The following PLEKHG1 variants were observed in gnomAD, a reference collection of about 807,000 sequenced individuals.
PLEKHG1 encodes the protein pleckstrin homology domain-containing family G member 1.
PLEKHG1 carries 44 observed loss-of-function variants against 100.8 expected under a neutral mutation model. That is an observed-to-expected ratio of 0.44 (90% CI 0.34 to 0.56). PLEKHG1 has a LOEUF of 0.56. Ranked by LOEUF, PLEKHG1 falls within the 20% of genes least tolerant of loss-of-function variation. The pLI, the probability that PLEKHG1 is intolerant of heterozygous loss-of-function variation, is 0.01. For synonymous variants in PLEKHG1, 640 were observed against 662.5 expected (o/e 0.97, Z 0.52); for missense variants, 1,545 against 1,720.9 (o/e 0.90, Z 1.81).
rs1346823273 is a variant in PLEKHG1, at chr6:150,804,845, A to G, written c.912+104A>G. 9 of 1,043,784 alleles carry G rather than the reference A, an allele frequency of 8.6e-6. 1 individual carries two copies. In the Admixed American group the frequency reaches 1.4e-4, roughly 16 times the overall value. The allele number at this position is 1,043,784 out of a possible 1,614,324, so 64.7% of individuals were successfully genotyped here. On this transcript the variant is annotated intron_variant, in intron 7 of 15. Coordinates refer to ENST00000358517, the Ensembl canonical transcript of PLEKHG1. ...GCTCAAGTACTGCACTACACTCATC[A>G]TCTTCAGTGTAGTTCTCCCTGAAAA... is the stretch of plus-strand genomic sequence containing the variant.
At chr6:150,814,014 T>C (rs1362859757) in intron 10 of PLEKHG1, among the ~76,000 whole-genome samples, 2 of 152,170 alleles carry the variant, frequency 1.3e-5, no homozygotes, top group African/African-American at 2.4e-5. Context: ...TGACAAGCAT[T>C]TGAAGCTTGT....
At chr6:150,843,215 C>T (rs1255018081) in exon 16 of PLEKHG1, 1 of 152,170 alleles carries the variant, frequency 6.6e-6, no homozygotes, top group Non-Finnish European at 1.5e-5. Context: ...ACTTTGATGT[C>T]ACCTATAGGA....
intron 14 of PLEKHG1, among the ~76,000 whole-genome samples, chr6:150,829,313 G>T (rs1776783076): frequency 6.6e-6 from 1 of 152,156 alleles, no homozygotes; most frequent in Non-Finnish European, 1.5e-5. Flanking sequence ...TGTTTTCTTT[G>T]ATTAGAAATC....
chr6:150,606,195 A>G (rs1429648608), intron 1 of PLEKHG1, among the ~76,000 whole-genome samples: 1 of 152,204 alleles, frequency 6.6e-6, no homozygotes, highest in African/African-American at 2.4e-5. Flanking sequence ...TGGCCTACAC[A>G]TAACTTGTGT....
chr6:150,785,009 A>T (rs1490312797), intron 3 of PLEKHG1, among the ~76,000 whole-genome samples: 1 of 151,686 alleles, frequency 6.6e-6, no homozygotes, highest in Non-Finnish European at 1.5e-5. Flanking sequence ...CCTGGTTGAC[A>T]GAGTGAGACC....
At chr6:150,760,212 G>T (rs9478810) in intron 2 of PLEKHG1, among the ~76,000 whole-genome samples, 56,545 of 151,972 alleles carry the variant, frequency 0.37, 13,022 homozygotes, top group African/African-American at 0.63. Context: ...TTTCAGATGC[G>T]TCAAGTGTTG....
intron 10 of PLEKHG1, among the ~76,000 whole-genome samples, chr6:150,817,784 C>T (rs1776064021): frequency 6.6e-6 from 1 of 152,022 alleles, no homozygotes; most frequent in South Asian, 2.1e-4. Context: ...TCTTGAACTC[C>T]TGACCTTGTG....
At chr6:150,647,271 A>G (rs2881191) in intron 2 of PLEKHG1, among the ~76,000 whole-genome samples, 7,651 of 152,246 alleles carry the variant, frequency 0.05, 431 homozygotes, top group African/African-American at 0.12. Context: ...TGCATATAAA[A>G]AGCAAGATTG....
At position 150,637,571 on chromosome 6, in the gene PLEKHG1, A is replaced by G. The variant is rs111557046; in HGVS notation, c.-203-509A>G. Among the ~76,000 whole-genome samples, 1,011 of 152,218 alleles carry G rather than the reference A, an allele frequency of 6.6e-3. 16 individuals carry two copies. Among genetic ancestry groups the G allele is most frequent in the African/African-American group, 0.023 (952 of 41,534 alleles). On this transcript the variant is annotated intron_variant, in intron 1 of 3. Transcript: ENST00000367326. ...CACTTGATTATTTCAGTCTAGATTC[A>G]AAATTATTGTTTCTGAACTTTGAAG...
At chr6:150,811,529 TC>T (rs766365114) in intron 10 of PLEKHG1, among the ~76,000 whole-genome samples, 2 of 152,164 alleles carry the variant, frequency 1.3e-5, no homozygotes, top group Non-Finnish European at 1.5e-5. Context: ...CCTCAGCCTT[TC>T]CAAAGTGTTG....
intron 3 of PLEKHG1, among the ~76,000 whole-genome samples, chr6:150,703,038 A>G (rs145202036): frequency 6.0e-4 from 92 of 152,254 alleles, no homozygotes; most frequent in Non-Finnish European, 1.2e-3. Flanking sequence ...TTTCATCTCC[A>G]TCATTCTCCC....
intron 3 of PLEKHG1, among the ~76,000 whole-genome samples, chr6:150,685,184 C>A (rs1450723704): frequency 6.6e-6 from 1 of 152,102 alleles, no homozygotes; most frequent in African/African-American, 2.4e-5. Context: ...AAACCCCACA[C>A]TTGAGCACTG....
chr6:150,708,474 C>T (rs1781110609), intron 3 of PLEKHG1, among the ~76,000 whole-genome samples: 1 of 152,014 alleles, frequency 6.6e-6, no homozygotes, highest in East Asian at 1.9e-4. Flanking sequence ...AATACTTTTT[C>T]TAGGATCCCC....
intron 2 of PLEKHG1, among the ~76,000 whole-genome samples, chr6:150,757,533 A>G (rs1019456366): frequency 6.6e-6 from 1 of 151,604 alleles, no homozygotes; most frequent in African/African-American, 2.4e-5. Context: ...CCTGATAAAA[A>G]CCCAGATTGT....
intron 3 of PLEKHG1, among the ~76,000 whole-genome samples, chr6:150,657,675 C>G (rs979905779): frequency 3.3e-5 from 5 of 152,264 alleles, no homozygotes; most frequent in Non-Finnish European, 1.5e-5. Context: ...TGTTATAAAG[C>G]TAGGTACAAG....
chr6:150,701,461 A>ATG (rs1780782540), intron 3 of PLEKHG1, among the ~76,000 whole-genome samples: 1 of 85,546 alleles, frequency 1.2e-5, no homozygotes, highest in Non-Finnish European at 1.9e-5. Context: ...ATATATATAT[A>ATG]TATATAATTA....
At chr6:150,640,245 TA>T (rs945319356) in intron 2 of PLEKHG1, among the ~76,000 whole-genome samples, 1 of 152,262 alleles carries the variant, frequency 6.6e-6, no homozygotes, top group Non-Finnish European at 1.5e-5. Flanking sequence ...CTGACTCTCC[TA>T]AATGACTTAA....
At chr6:150,790,087 C>G (rs888209900) in intron 4 of PLEKHG1, among the ~76,000 whole-genome samples, 1 of 152,180 alleles carries the variant, frequency 6.6e-6, no homozygotes, top group East Asian at 1.9e-4. Flanking sequence ...GTGGTGCAAT[C>G]TTGGCTCACC....
chr6:150,653,399 C>T (rs1019995645), intron 3 of PLEKHG1, among the ~76,000 whole-genome samples: 2 of 151,904 alleles, frequency 1.3e-5, no homozygotes, highest in South Asian at 2.1e-4. Context: ...AGGTCAGGCT[C>T]ACCCCCCACG....
Sources: allele counts gnomAD v4.1 joint callset (sites outside exome capture counted in the v4.1 genomes callset), GRCh38; gene constraint gnomAD v4.1.1; transcripts MANE v1.5; gene names NCBI Gene and HGNC (gene_info 2026-07-23, HGNC 2026-07-21).